Variants in TMEM225B observed in about 807,000 individuals in gnomAD.
The protein encoded by TMEM225B is transmembrane protein 225-like.
In TMEM225B, 10 loss-of-function variants were observed where a neutral mutation model predicts 16.9. That is an observed-to-expected ratio of 0.59 (90% confidence interval 0.36 to 1.00). TMEM225B has a LOEUF of 1.00. Ranked by LOEUF, TMEM225B falls within the 50% of genes least tolerant of loss-of-function variation. The probability of loss-of-function intolerance (pLI) is 0.01; values close to 1 mark genes in which losing one functional copy is unlikely to be tolerated. For missense variants in TMEM225B, 217 were observed against 267.0 expected (o/e 0.81, Z 1.30); for synonymous variants, 92 against 109.8 (o/e 0.84, Z 1.01).
At chr7:99,608,301 C>G (rs1464681449) in intron 5 of TMEM225B, among the ~76,000 whole-genome samples, 1 of 152,028 alleles carries the variant, frequency 6.6e-6, no homozygotes, top group East Asian at 1.9e-4. Context: ...GCCATACTAG[C>G]CACATCACCG....
intron 5 of TMEM225B, among the ~76,000 whole-genome samples, chr7:99,609,576 C>G (rs183895007): frequency 3.8e-4 from 58 of 152,134 alleles, no homozygotes; most frequent in Non-Finnish European, 7.2e-4. Context: ...GCTGGGACTA[C>G]AGGCATGCAC....
At chr7:99,607,612 G>A (rs1805928385) in intron 4 of TMEM225B, 61 bp from the exon 5 acceptor site, 2 of 1,484,612 alleles carry the variant, frequency 1.3e-6, no homozygotes, top group Admixed American at 2.3e-5. Flanking sequence ...AGGGGGTGAA[G>A]TTTGGAGGGA....
intron 5 of TMEM225B, 142 bp downstream of exon 5, chr7:99,607,952 T>A: frequency 4.3e-6 from 4 of 929,742 alleles, no homozygotes; most frequent in Non-Finnish European, 6.2e-6. Context: ...TATTTAACTT[T>A]CGTTAATTAA....
intron 5 of TMEM225B, among the ~76,000 whole-genome samples, chr7:99,608,819 A>C (rs889318185): frequency 6.8e-6 from 1 of 146,416 alleles, no homozygotes; most frequent in African/African-American, 2.7e-5. Flanking sequence ...ATAGACATAC[A>C]TATATGTGTG....
intron 1 of TMEM225B, among the ~76,000 whole-genome samples, chr7:99,599,432 A>G (rs773355031): frequency 2.2e-4 from 34 of 152,150 alleles, no homozygotes; most frequent in Non-Finnish European, 4.4e-4. Flanking sequence ...AGCCAGGTGT[A>G]ATGGCATACA....
chr7:99,610,182 G>A (rs544610316), intron 5 of TMEM225B, among the ~76,000 whole-genome samples: 10 of 152,088 alleles, frequency 6.6e-5, no homozygotes, highest in Admixed American at 5.2e-4. Context: ...TTGCTGAGAT[G>A]TCTTCTAGGT....
Position 99,607,824 on chromosome 7 carries a change from G to A in TMEM225B, c.493+14G>A, listed in dbSNP as rs763633889. 1 of 1,534,694 alleles carries A rather than the reference G, an allele frequency of 6.5e-7. No individual in the cohort carries two copies. The highest frequency in any genetic ancestry group is 8.7e-7 in the Non-Finnish European group (1 of 1,146,282). On this transcript the variant is annotated intron_variant, in intron 5 of 5. Coordinates refer to ENST00000431679, the MANE Select transcript of TMEM225B (RefSeq NM_001195541.3). Reference sequence around the variant, plus strand: ...TCATAGTGGCTGGTGAGTGTCCAGGGAACAGTGCCCTGCTTCTTGTCCTCG... The same window carrying A: ...TCATAGTGGCTGGTGAGTGTCCAGGAAACAGTGCCCTGCTTCTTGTCCTCG...
rs538961421 is a variant in TMEM225B at position 99,603,676 on chromosome 7, A to G, written c.-3-710A>G. Among the ~76,000 whole-genome samples, 220 of 151,666 alleles carry G rather than the reference A, an allele frequency of 1.5e-3. 1 individual carries two copies. Among genetic ancestry groups the G allele is most frequent in the African/African-American group, 4.8e-3 (197 of 41,302 alleles). Reference sequence around the variant, plus strand: ...CATTGCACTCCAGCCTGGGCTGACAACAGCGAGACTCCATCTTAAAAAAAA... The same window carrying G: ...CATTGCACTCCAGCCTGGGCTGACAGCAGCGAGACTCCATCTTAAAAAAAA... On this transcript the variant is annotated intron_variant, in intron 2 of 5. Coordinates refer to ENST00000431679, the MANE Select transcript of TMEM225B (RefSeq NM_001195541.3).
chr7:99,602,314 C>T (rs989760278), intron 2 of TMEM225B, among the ~76,000 whole-genome samples: 5 of 152,190 alleles, frequency 3.3e-5, no homozygotes, highest in African/African-American at 1.2e-4. Context: ...AAAGCAGATT[C>T]GTTGAAACAA....
Position 99,608,858 on chromosome 7 carries a change from T to TATATATAC in TMEM225B, c.493+1049_493+1050insTATATACA, listed in dbSNP as rs536627768. On this transcript the variant is annotated intron_variant, in intron 5 of 5. Transcript: ENST00000431679. ...GTGCACGTATATATATATATATATA[T>TATATATAC]ACACACACACATATATGTGTATATA... 1.9e-4 allele frequency among the ~76,000 whole-genome samples: 28 copies of TATATATAC among 144,382 alleles called. 2 individuals are homozygous for TATATATAC. Among genetic ancestry groups the TATATATAC allele is most frequent in the African/African-American group, 7.9e-4 (28 of 35,592 alleles). The allele number at this position is 144,382 out of a possible 152,430, so 94.7% of individuals were successfully genotyped here. A position where few individuals can be genotyped will look rare whatever the true frequency, so the allele number is the denominator to read the frequency against.
chr7:99,608,946 C>G (rs1806099886), intron 5 of TMEM225B, among the ~76,000 whole-genome samples: 1 of 151,406 alleles, frequency 6.6e-6, no homozygotes, highest in South Asian at 2.1e-4. Context: ...GCAGGTGGAC[C>G]ACCTGAGGTT....
At chr7:99,608,734 T>TACACAC (rs35501095) in intron 5 of TMEM225B, among the ~76,000 whole-genome samples, 10 of 113,708 alleles carry the variant, frequency 8.8e-5, no homozygotes, top group Admixed American at 3.5e-4. Context: ...TATATATATA[T>TACACAC]ACACACACAC....
intron 5 of TMEM225B, 69 bp downstream of exon 5, chr7:99,607,879 G>A (rs1805961794): frequency 6.8e-7 from 1 of 1,477,012 alleles, no homozygotes; most frequent in African/African-American, 1.4e-5. Flanking sequence ...TCTTGTGGAG[G>A]CCCTCCCTTT....
chr7:99,602,142 T>C (rs945867347), intron 2 of TMEM225B, among the ~76,000 whole-genome samples: 10 of 152,220 alleles, frequency 6.6e-5, no homozygotes, highest in African/African-American at 2.4e-4. Context: ...TGATGCCCCC[T>C]TTCTGCACTG....
intron 2 of TMEM225B, among the ~76,000 whole-genome samples, chr7:99,603,256 C>G (rs1442070159): frequency 6.6e-6 from 1 of 152,192 alleles, no homozygotes; most frequent in East Asian, 1.9e-4. Context: ...GGTCAGAAGG[C>G]CAGTCACTGA....
chr7:99,604,606 G>C lies in TMEM225B; in HGVS notation c.208+10G>C. ...CCTCGACCCTTATCCAGTAAGGAGG[G>C]ATGGAGGCGGGGAGGAGAGAGAGGG... On this transcript the variant is annotated intron_variant, in intron 3 of 5. Transcript: ENST00000431679. 6.5e-7 allele frequency: 1 copy of C among 1,533,922 alleles called. No homozygotes were observed. Among genetic ancestry groups the C allele is most frequent in the Non-Finnish European group, 8.7e-7 (1 of 1,145,422 alleles).
chr7:99,608,217 T>C (rs1251685412), intron 5 of TMEM225B, among the ~76,000 whole-genome samples: 5 of 152,172 alleles, frequency 3.3e-5, no homozygotes, highest in African/African-American at 9.7e-5. Context: ...ATCACATCAC[T>C]GCACTCCAGC....
intron 4 of TMEM225B, 145 bp from the exon 5 acceptor site, chr7:99,607,528 A>C: frequency 1.4e-6 from 1 of 704,520 alleles, no homozygotes; most frequent in Non-Finnish European, 2.3e-6. Context: ...GAAAGGAGGG[A>C]GGGACAGGCA....
chr7:99,599,259 G>A (rs1237931648), intron 1 of TMEM225B, among the ~76,000 whole-genome samples: 1 of 151,996 alleles, frequency 6.6e-6, no homozygotes, highest in Non-Finnish European at 1.5e-5. Flanking sequence ...ACAGGCGTGA[G>A]CCACCGCACC....
Sources: gnomAD v4.1 joint callset for allele counts (sites outside exome capture counted in the v4.1 genomes callset) on GRCh38, gnomAD v4.1.1 for gene constraint, MANE v1.5 for transcripts, NCBI Gene and HGNC (gene_info 2026-07-23, HGNC 2026-07-21) for gene names.